Variants in CXXC1 observed in about 807,000 individuals in gnomAD.
CXXC1 encodes the protein CXXC-type zinc finger protein 1.
CXXC1 carries 21 observed loss-of-function variants against 83.6 expected under a neutral mutation model. The observed-to-expected ratio is 0.25, with a 90% CI of 0.18 to 0.36. CXXC1 has a LOEUF of 0.36. Ranked by LOEUF, CXXC1 falls within the 10% of genes least tolerant of loss-of-function variation. The pLI is 1.00. For synonymous variants in CXXC1, 371 were observed against 337.5 expected, an observed-to-expected ratio of 1.10 and a Z score of -1.09; for missense variants, 688 against 919.5, an observed-to-expected ratio of 0.75 and a Z score of 3.26.
At chr18:50,286,668 TG>T (rs1392063014) in intron 2 of CXXC1, 29 bp from the exon 3 acceptor site, 3 of 1,612,134 alleles carry the variant, frequency 1.9e-6, no homozygotes, top group East Asian at 4.5e-5. Context: ...GCGATGGAGA[TG>T]TGAGGGGCGC....
At chr18:50,286,947 TC>T in intron 1 of CXXC1, 89 bp from the exon 2 acceptor site, 2 of 921,684 alleles carry the variant, frequency 2.2e-6, no homozygotes, top group Non-Finnish European at 3.5e-6. Flanking sequence ...TCAGCAGGGA[TC>T]CCCACTCTGC....
At chr18:50,287,344 C>T (rs1195383269) in intron 1 of CXXC1, 7 of 557,714 alleles carry the variant, frequency 1.3e-5, no homozygotes, top group Non-Finnish European at 2.3e-5. Flanking sequence ...CCTAAGAACC[C>T]CCGATCATGG....
In CXXC1 at chr18:50,286,122, C is replaced by G; in HGVS notation, c.359G>C (p.Arg120Pro). Reference sequence around the variant, plus strand: ...AACCCCTGTCCCTGACCCTGCCCGGCGCTGCAGGTCTGGATCAGGGACAGG... The same window carrying G: ...AACCCCTGTCCCTGACCCTGCCCGGGGCTGCAGGTCTGGATCAGGGACAGG... ...KRPVPDPDLQRRAGSGTGVGA... is the reference protein window; with the variant it reads ...KRPVPDPDLQPRAGSGTGVGA... The change falls in exon 4 of 15, where the codon CGC (arginine) becomes CCC (proline). Residue 120 changes from arginine to proline, a missense_variant. Around this residue, in one of 9 missense-constraint regions of CXXC1, gnomAD observed 142 missense variants for 150.7 expected, o/e 0.94. Coordinates refer to ENST00000285106, the MANE Select transcript of CXXC1 (RefSeq NM_014593.4). 6.2e-7 allele frequency: 1 copy of G among 1,613,956 alleles called. No individual in the cohort carries two copies. The highest frequency in any genetic ancestry group is 8.5e-7 in the Non-Finnish European group (1 of 1,179,986).
chr18:50,286,904 G>A (rs1207865602), intron 1 of CXXC1, 46 bp from the exon 2 acceptor site: 2 of 1,346,808 alleles, frequency 1.5e-6, no homozygotes, highest in Non-Finnish European at 2.1e-6. Flanking sequence ...CCCCACCGTG[G>A]CGGCTCATCC....
chr18:50,287,542 C>T (rs1389659717), intron 1 of CXXC1, 45 bp downstream of exon 1: 2 of 1,610,796 alleles, frequency 1.2e-6, no homozygotes, highest in Non-Finnish European at 8.5e-7. Flanking sequence ...TGTTGCCAAC[C>T]GACCGACCTC....
chr18:50,285,143 A>G lies in CXXC1; in HGVS notation c.771T>C (p.Asp257=), dbSNP rs1310751423. Residue 257 remains aspartate (D), a synonymous_variant, in exon 7 of 15, where the codon GAT becomes GAC. Transcript: ENST00000285106. This position sits in a 1 kb window ranked among gnomAD's most constrained non-coding sequence, Gnocchi z 4.4. ...PSQKLGRIRE[D]EGAVASSTVK... is the part of the protein sequence containing the mutation. ...CTGTTGATGACGCCACTGCCCCCTC[A>G]TCTTCACGGATGCGCCCTAACTTCT... 6.2e-7 allele frequency: 1 copy of G among 1,614,070 alleles called. No individual in the cohort carries two copies. The highest frequency in any genetic ancestry group is 1.1e-5 in the South Asian group (1 of 91,074).
At chr18:50,287,274 TC>T (rs1267215586) in intron 1 of CXXC1, 3 of 514,254 alleles carry the variant, frequency 5.8e-6, no homozygotes, top group Non-Finnish European at 1.1e-5. Flanking sequence ...CACGGACTCC[TC>T]GTCACGGCTC....
At chr18:50,286,882 T>C in intron 1 of CXXC1, 24 bp from the exon 2 acceptor site, 1 of 1,527,868 alleles carries the variant, frequency 6.5e-7, no homozygotes, top group Non-Finnish European at 9.1e-7. Context: ...CCATTACGGA[T>C]CCTTAAGCAG....
At chr18:50,284,597 C>G in intron 8 of CXXC1, 35 bp from the exon 9 acceptor site, 1 of 1,582,640 alleles carries the variant, frequency 6.3e-7, no homozygotes, top group Non-Finnish European at 8.6e-7. Context: ...AGGGTGGAGT[C>G]AAAGTCAGCC....
Position 50,286,733 on chromosome 18 carries a change from C to T in CXXC1, c.122+7G>A. ...GTGTCAGCCCCGCCCATCTCTCCCG[C>T]GCTCACATCATGAAGCAGTTGATGT... On this transcript the variant is annotated splice_region_variant and intron_variant, in intron 2 of 14. Coordinates refer to ENST00000285106, the MANE Select transcript of CXXC1 (RefSeq NM_014593.4). 1 of 1,612,198 alleles carries T rather than the reference C, an allele frequency of 6.2e-7. No individual in the cohort carries two copies. Among genetic ancestry groups the T allele is most frequent in the Non-Finnish European group, 8.5e-7 (1 of 1,178,198 alleles).
At chr18:50,284,152 G>A (rs1211599123) in intron 9 of CXXC1, 51 bp from the exon 10 acceptor site, 13 of 1,565,948 alleles carry the variant, frequency 8.3e-6, no homozygotes, top group South Asian at 1.1e-5. Flanking sequence ...CAGTAAGTGA[G>A]AATGGCAAAA....
chr18:50,286,266 CAG>C lies in CXXC1; in HGVS notation c.224-11_224-10del, dbSNP rs775411297. 3.1e-6 allele frequency: 5 copies of C among 1,593,794 alleles called. No individual in the cohort carries two copies. In the South Asian group the frequency reaches 4.5e-5, roughly 14 times the overall value. On this transcript the variant is annotated splice_polypyrimidine_tract_variant and intron_variant, in intron 3 of 14. Coordinates refer to ENST00000285106, the MANE Select transcript of CXXC1 (RefSeq NM_014593.4). ...TAGCTTGGGGTCTTTCTCTGTGGGG[CAG>C]AGAGTAGGGCCAAAGTGAGTGAGCA... is the stretch of plus-strand genomic sequence containing the variant.
In CXXC1 at chr18:50,285,044, C is replaced by T; in HGVS notation, c.870G>A (p.Leu290=). 2 of 1,614,246 alleles carry T rather than the reference C, an allele frequency of 1.2e-6. No homozygotes were observed. The highest frequency in any genetic ancestry group is 1.7e-6 in the Non-Finnish European group (2 of 1,180,034). Residue 290 remains leucine, a synonymous_variant, in exon 7 of 15, where the codon CTG becomes CTA. Coordinates refer to ENST00000285106, the MANE Select transcript of CXXC1 (RefSeq NM_014593.4). The surrounding 1 kb of genome is among the most constrained non-coding windows in gnomAD (Gnocchi z 4.4). ...AGGCCCCTGCACAGAAGTCCTGATA[C>T]AGGTCAGGATCCAGAGGTAGGTCCT... ...SDEDLPLDPD[L]YQDFCAGAFD...
Position 50,286,820 on chromosome 18 carries a change from C to T in CXXC1, c.42G>A (p.Gly14=), listed in dbSNP as rs2040722398. 1 of 1,613,976 alleles carries T rather than the reference C, an allele frequency of 6.2e-7. No individual in the cohort carries two copies. The highest frequency in any genetic ancestry group is 1.7e-5 in the Admixed American group (1 of 60,004). ...CCCCATTCTCGGACTTGCTGTCCTC[C>T]CCGGCATCTGGAGGCTCTGGGTCTG... The part of the protein sequence containing the change: ...DGSDPEPPDA[G]EDSKSENGEN... Residue 14 remains glycine, a synonymous_variant, in exon 2 of 15, where the codon GGG becomes GGA. Transcript: ENST00000285106.
rs1236277268 is a variant in CXXC1 at position 50,285,968 on chromosome 18, C to A, written c.460-40G>T. On this transcript the variant is annotated intron_variant, in intron 4 of 14. Coordinates refer to ENST00000285106, the MANE Select transcript of CXXC1 (RefSeq NM_014593.4). This position sits in a 1 kb window ranked among gnomAD's most constrained non-coding sequence, Gnocchi z 4.4. Reference sequence around the variant, plus strand: ...CCAGAACAGAAATCATGGACCCAGGCAGGGCTGAAACGGAACCACTTTACA... The same window carrying A: ...CCAGAACAGAAATCATGGACCCAGGAAGGGCTGAAACGGAACCACTTTACA... 1 of 1,613,876 alleles carries A rather than the reference C, an allele frequency of 6.2e-7. No individual in the cohort carries two copies. Among genetic ancestry groups the A allele is most frequent in the South Asian group, 1.1e-5 (1 of 91,080 alleles).
rs190475209 is a variant in CXXC1 at position 50,286,893 on chromosome 18, C to T, written c.4-35G>A. On this transcript the variant is annotated intron_variant, in intron 1 of 14. Transcript: ENST00000285106. Reference sequence around the variant, plus strand: ...ACCCCCATTACGGATCCTTAAGCAGCCCCCACCGTGGCGGCTCATCCCCCC... The same window carrying T: ...ACCCCCATTACGGATCCTTAAGCAGTCCCCACCGTGGCGGCTCATCCCCCC... The T allele has an allele frequency of 2.2e-3, 3,250 of 1,452,686 alleles. 109 individuals are homozygous for T. In the Admixed American group the frequency reaches 0.05, roughly 22 times the overall value. 90.0% of individuals were successfully genotyped at this position (1,452,686 alleles called of 1,614,324 possible). A position where few individuals can be genotyped will look rare whatever the true frequency, so the allele number is the denominator to read the frequency against.
rs1599652215 is a variant in CXXC1, at chr18:50,282,505, G to A, written c.*88C>T. 11 of 1,520,790 alleles carry A rather than the reference G, an allele frequency of 7.2e-6. No homozygotes were observed. The highest frequency in any genetic ancestry group is 9.8e-6 in the Non-Finnish European group (11 of 1,116,766). The allele number at this position is 1,520,790 out of a possible 1,614,324, so 94.2% of individuals were successfully genotyped here. On this transcript the variant is annotated 3_prime_UTR_variant, in exon 15 of 15. Coordinates refer to ENST00000285106, the MANE Select transcript of CXXC1 (RefSeq NM_014593.4). This position sits in a 1 kb window ranked among gnomAD's most constrained non-coding sequence, Gnocchi z 5.8. The stretch of plus-strand genomic sequence containing the variant: ...GTGGATGGGCACAGGGAGAACCGGA[G>A]AAACAGATGAGTGGAGGAACGGACA...
In CXXC1 at chr18:50,286,107, C is replaced by A. The variant is rs2040709075; in HGVS notation, c.374G>T (p.Gly125Val). 1 of 1,614,016 alleles carries A rather than the reference C, an allele frequency of 6.2e-7. No homozygotes were observed. The highest frequency in any genetic ancestry group is 8.5e-7 in the Non-Finnish European group (1 of 1,180,002). The change falls in exon 4 of 15, where the codon GGG (glycine) becomes GTG (valine). Residue 125 changes from glycine (G) to valine (V), a missense_variant. This residue lies in a region of CXXC1 where 142 missense variants were observed against 150.7 expected (regional missense o/e 0.94). Transcript: ENST00000285106. ...DPDLQRRAGS[G>V]TGVGAMLARG... ...AGCAAGCATGGCCCCAACCCCTGTC[C>A]CTGACCCTGCCCGGCGCTGCAGGTC...
chr18:50,282,977 G>A lies in CXXC1; in HGVS notation c.1701C>T (p.Pro567=), dbSNP rs760407901. ...TGAGCTCAAAGACATCACGTACAAGGGGGCACCCGCATACCTCGTCAGCTG... is the reference window on the plus strand; with the variant it reads ...TGAGCTCAAAGACATCACGTACAAGAGGGCACCCGCATACCTCGTCAGCTG... The part of the protein sequence containing the change: ...KVPADEVCGC[P]LVRDVFELTG... Residue 567 remains proline (P), a synonymous_variant, in exon 14 of 15, where the codon CCC becomes CCT. Coordinates refer to ENST00000285106, the MANE Select transcript of CXXC1 (RefSeq NM_014593.4). This position sits in a 1 kb window ranked among gnomAD's most constrained non-coding sequence, Gnocchi z 5.8. The A allele has an allele frequency of 3.7e-6, 6 of 1,614,068 alleles. No homozygotes were observed. The African/African-American group carries it at 5.3e-5, about 14-fold the overall frequency.
Sources: allele counts gnomAD v4.1 joint callset, GRCh38; gene constraint gnomAD v4.1.1; regional missense constraint gnomAD v4.1.1; non-coding constraint Gnocchi (gnomAD v3.1); transcripts MANE v1.5; gene names NCBI Gene and HGNC (gene_info 2026-07-23, HGNC 2026-07-21).